TPO: variants seen among roughly 807,000 people sequenced by gnomAD.
TPO encodes thyroid microsomal antigen.
TPO carries 78 observed loss-of-function variants against 96.9 expected under a neutral mutation model. The observed-to-expected ratio is 0.81, with a 90% CI of 0.67 to 0.97. The LOEUF is 0.97. Ranked by LOEUF, TPO falls within the 50% of genes least tolerant of loss-of-function variation. The probability of loss-of-function intolerance (pLI) is 0.00; values close to 1 mark genes in which losing one functional copy is unlikely to be tolerated. For synonymous variants in TPO, 547 were observed against 538.0 expected (o/e 1.02, Z -0.23); for missense variants, 1,252 against 1,274.8 (o/e 0.98, Z 0.27).
intron 10 of TPO, among the ~76,000 whole-genome samples, chr2:1,490,474 C>CCG: frequency 7.0e-6 from 1 of 142,138 alleles, no homozygotes; most frequent in Admixed American, 6.9e-5. Flanking sequence ...CACGAGGGTC[C>CCG]CACACAGGGG....
chr2:1,539,460 C>A (rs1462239185), intron 15 of TPO, among the ~76,000 whole-genome samples: 1 of 152,194 alleles, frequency 6.6e-6, no homozygotes, highest in Admixed American at 6.5e-5. Context: ...GTCACAAGCA[C>A]TGAAGCCACC....
chr2:1,480,149 A>G (rs1045231937), intron 8 of TPO, among the ~76,000 whole-genome samples: 8 of 152,156 alleles, frequency 5.3e-5, no homozygotes, highest in African/African-American at 1.4e-4. Flanking sequence ...TCTCTGTTTC[A>G]TATTTACCTT....
intron 5 of TPO, among the ~76,000 whole-genome samples, chr2:1,447,217 C>T (rs1465511639): frequency 2.0e-5 from 3 of 152,198 alleles, no homozygotes; most frequent in African/African-American, 7.2e-5. Flanking sequence ...CATTTACAGT[C>T]TCTTCTCTCA....
chr2:1,412,867 C>T (rs2071400), upstream of TPO, among the ~76,000 whole-genome samples: 16,556 of 151,716 alleles, frequency 0.11, 1,152 homozygotes, highest in East Asian at 0.34. Context: ...TCATGGTGAC[C>T]TTCCTACAGA....
At chr2:1,419,379 G>C (rs1055758922) in intron 2 of TPO, among the ~76,000 whole-genome samples, 1 of 152,208 alleles carries the variant, frequency 6.6e-6, no homozygotes, top group Non-Finnish European at 1.5e-5. Context: ...ACGATAGCAA[G>C]GGGCTCAGAG....
In TPO at chr2:1,505,266, C is replaced by G. The variant is rs147814327; in HGVS notation, c.2518+1187C>G. 3.7e-3 allele frequency among the ~76,000 whole-genome samples: 564 copies of G among 151,538 alleles called. 6 individuals are homozygous for G. Among genetic ancestry groups the G allele is most frequent in the African/African-American group, 0.013 (534 of 41,216 alleles). On this transcript the variant is annotated intron_variant, in intron 14 of 16. Coordinates refer to ENST00000329066, the MANE Select transcript of TPO (RefSeq NM_001206744.2). ...CCCCCTTCCTGTGTCAGGCGCACCC[C>G]CTCCTGTGTCAGGCGCACCCCACTA... is the stretch of plus-strand genomic sequence containing the variant.
rs1298195563 is a variant in TPO at position 1,422,316 on chromosome 2, A to AGACCTCGTGCAGGCGCCTCTCCTGGACC, written c.95-711_95-684dup. Among the ~76,000 whole-genome samples the AGACCTCGTGCAGGCGCCTCTCCTGGACC allele has an allele frequency of 1.2e-3, 79 of 68,416 alleles. 3 individuals are homozygous for AGACCTCGTGCAGGCGCCTCTCCTGGACC. The highest frequency in any genetic ancestry group is 1.6e-3 in the Non-Finnish European group (47 of 30,286). The allele number at this position is 68,416 out of a possible 152,430, so 44.9% of individuals were successfully genotyped here. On this transcript the variant is annotated intron_variant, in intron 2 of 16. Transcript: ENST00000329066. The stretch of plus-strand genomic sequence containing the variant: ...GACCCCGCAGGCGCCTCTCCTGGAC[A>AGACCTCGTGCAGGCGCCTCTCCTGGACC]GACCTCGTGCAGGCGCCTCTCCTGG...
In TPO at chr2:1,439,802, C is replaced by T. The variant is rs552621361; in HGVS notation, c.482+3418C>T. Among the ~76,000 whole-genome samples, 16 of 152,268 alleles carry T rather than the reference C, an allele frequency of 1.1e-4. No homozygotes were observed. The South Asian group carries it at 2.7e-3, about 26-fold the overall frequency. The stretch of plus-strand genomic sequence containing the variant: ...CTCGCCATCCTCCCCATCTGGGTGG[C>T]GGTCCCTCACCTTAGCCTCTGGATG... On this transcript the variant is annotated intron_variant, in intron 5 of 16. Coordinates refer to ENST00000329066, the MANE Select transcript of TPO (RefSeq NM_001206744.2).
chr2:1,536,760 C>T (rs1448075054), intron 15 of TPO, among the ~76,000 whole-genome samples: 1 of 124,126 alleles, frequency 8.1e-6, no homozygotes, highest in African/African-American at 3.2e-5. Context: ...CCCCAAATCC[C>T]CATCACTCTG....
chr2:1,451,174 C>T (rs1299181017), intron 5 of TPO, among the ~76,000 whole-genome samples: 1 of 152,128 alleles, frequency 6.6e-6, no homozygotes, highest in Non-Finnish European at 1.5e-5. Flanking sequence ...GCGTGGTGGC[C>T]TTAGAGACTT....
At chr2:1,452,140 G>A (rs1667360857) in intron 5 of TPO, among the ~76,000 whole-genome samples, 1 of 152,130 alleles carries the variant, frequency 6.6e-6, no homozygotes, top group Non-Finnish European at 1.5e-5. Context: ...TGTTCAGTGA[G>A]CACAAGGGCC....
upstream of TPO, among the ~76,000 whole-genome samples, chr2:1,409,454 A>G (rs1567920): frequency 0.57 from 86,603 of 152,010 alleles, 24,950 homozygotes; most frequent in Admixed American, 0.66. Flanking sequence ...TTATTTTCCA[A>G]ATTTGTTTTA....
intron 7 of TPO, among the ~76,000 whole-genome samples, chr2:1,457,298 A>G (rs2148597484): frequency 9.0e-6 from 1 of 111,566 alleles, no homozygotes; most frequent in Non-Finnish European, 1.9e-5. Context: ...AGATGTGTAC[A>G]TAGCATGTAT....
At position 1,467,785 on chromosome 2, in the gene TPO, T is replaced by C. The variant is rs561718678; in HGVS notation, c.820-9301T>C. On this transcript the variant is annotated intron_variant, in intron 7 of 16. Transcript: ENST00000329066. ...GACCTGTCTAGTGCTGTCAGTGGAG[T>C]GTTGCAGTCCCCCACTATTACTGTG... 5.9e-5 allele frequency among the ~76,000 whole-genome samples: 9 copies of C among 151,622 alleles called. No individual in the cohort carries two copies. In the South Asian group the frequency reaches 1.9e-3, roughly 32 times the overall value.
At chr2:1,408,450 G>A (rs756127335) in intron 1 of TPO, among the ~76,000 whole-genome samples, 77 of 152,288 alleles carry the variant, frequency 5.1e-4, no homozygotes, top group African/African-American at 1.5e-3. Context: ...CGAGTTGTGC[G>A]TGGGCTGCTG....
chr2:1,477,054 C>T lies in TPO; in HGVS notation c.820-32C>T, dbSNP rs749681346. 17 of 1,592,036 alleles carry T rather than the reference C, an allele frequency of 1.1e-5. No homozygotes were observed. In the African/African-American group the frequency reaches 2.1e-4, roughly 20 times the overall value. ...GTCTTACAAAGGGTGCACGGGGGCC[C>T]TGGGTGACCTTGAACTCCCCTTTGC... On this transcript the variant is annotated intron_variant, in intron 7 of 16. Transcript: ENST00000329066.
chr2:1,390,971 T>C (rs551523284), intron 1 of TPO, among the ~76,000 whole-genome samples: 1 of 152,188 alleles, frequency 6.6e-6, no homozygotes, highest in African/African-American at 2.4e-5. Context: ...TTTCTCCCAT[T>C]CTGTAGGTTG....
intron 4 of TPO, among the ~76,000 whole-genome samples, chr2:1,435,187 C>T (rs1190168846): frequency 6.6e-6 from 1 of 152,220 alleles, no homozygotes; most frequent in East Asian, 1.9e-4. Context: ...CCCTCTTTGG[C>T]CTCCCAAAGT....
At chr2:1,431,513 G>T (rs1260483362) in intron 3 of TPO, among the ~76,000 whole-genome samples, 1 of 152,094 alleles carries the variant, frequency 6.6e-6, no homozygotes, top group African/African-American at 2.4e-5. Flanking sequence ...TATTTTTATT[G>T]TATGTATTTC....
Sources: gnomAD v4.1 joint callset for allele counts (sites outside exome capture counted in the v4.1 genomes callset) on GRCh38, gnomAD v4.1.1 for gene constraint, MANE v1.5 for transcripts, NCBI Gene and HGNC (gene_info 2026-07-23, HGNC 2026-07-21) for gene names.